GBE1: variants seen among roughly 807,000 people sequenced by gnomAD.
GBE1 encodes 1,4-alpha-glucan-branching enzyme.
Under a neutral mutation model 88.8 loss-of-function variants are expected in GBE1, and 70 were observed. The observed-to-expected ratio is 0.79, with a 90% CI of 0.65 to 0.96. The LOEUF is 0.96. GBE1 is among the 40% of genes least tolerant of loss of function. The pLI, the probability that GBE1 is intolerant of heterozygous loss-of-function variation, is 0.00. For synonymous variants in GBE1, 284 were observed against 300.1 expected (o/e 0.95, Z 0.56); for missense variants, 872 against 871.0 (o/e 1.00, Z -0.01).
chr3:81,554,867 T>A (rs866242507), intron 12 of GBE1, among the ~76,000 whole-genome samples: 2 of 152,126 alleles, frequency 1.3e-5, no homozygotes, highest in Non-Finnish European at 2.9e-5. Flanking sequence ...ACTCCCCAAG[T>A]AGAGAGACGT....
intron 12 of GBE1, among the ~76,000 whole-genome samples, chr3:81,556,489 T>C (rs992889762): frequency 1.3e-5 from 2 of 152,032 alleles, no homozygotes; most frequent in Non-Finnish European, 2.9e-5. Flanking sequence ...TGTCAGGTAT[T>C]TGGGGGTAAC....
intron 12 of GBE1, among the ~76,000 whole-genome samples, chr3:81,555,398 A>G (rs1363830130): frequency 6.6e-6 from 1 of 152,206 alleles, no homozygotes; most frequent in African/African-American, 2.4e-5. Flanking sequence ...TTCTTTGTAC[A>G]TCTACAGGAG....
chr3:81,662,157 C>T (rs1041645967), intron 3 of GBE1, among the ~76,000 whole-genome samples: 2 of 152,088 alleles, frequency 1.3e-5, no homozygotes, highest in Non-Finnish European at 2.9e-5. Context: ...CTCAACCTAC[C>T]GACTAGCTGG....
intron 11 of GBE1, among the ~76,000 whole-genome samples, chr3:81,579,377 C>T (rs903724989): frequency 1.3e-5 from 2 of 151,936 alleles, no homozygotes; most frequent in Non-Finnish European, 2.9e-5. Flanking sequence ...CCTGAGAATT[C>T]CTGAATATAT....
At chr3:81,573,773 C>CCCTG (rs1703606421) in intron 12 of GBE1, among the ~76,000 whole-genome samples, 1 of 117,202 alleles carries the variant, frequency 8.5e-6, no homozygotes, top group Admixed American at 8.5e-5. Flanking sequence ...CTCTCTCTCT[C>CCCTG]TCTGTGTGTG....
intron 12 of GBE1, among the ~76,000 whole-genome samples, chr3:81,561,985 G>A (rs1284402634): frequency 1.3e-5 from 2 of 152,146 alleles, no homozygotes; most frequent in African/African-American, 4.8e-5. Flanking sequence ...TATTGGTTTC[G>A]TGATCTTTCT....
At chr3:81,726,292 G>C (rs1306379621) in intron 1 of GBE1, among the ~76,000 whole-genome samples, 1 of 152,052 alleles carries the variant, frequency 6.6e-6, no homozygotes, top group East Asian at 1.9e-4. Context: ...GAATGAAGAT[G>C]AGTACGTCAT....
At chr3:81,659,034 A>G (rs1704983598) in intron 3 of GBE1, among the ~76,000 whole-genome samples, 1 of 152,208 alleles carries the variant, frequency 6.6e-6, no homozygotes, top group Non-Finnish European at 1.5e-5. Flanking sequence ...GAAAAAGGCT[A>G]TGAAAAGGGG....
At chr3:81,538,517 T>C (rs777322066) in intron 12 of GBE1, among the ~76,000 whole-genome samples, 1 of 152,012 alleles carries the variant, frequency 6.6e-6, no homozygotes, top group Non-Finnish European at 1.5e-5. Context: ...GAGCCGACTT[T>C]ATGAGGCTAT....
At chr3:81,725,158 A>AT in intron 1 of GBE1, among the ~76,000 whole-genome samples, 1 of 152,284 alleles carries the variant, frequency 6.6e-6, no homozygotes, top group Non-Finnish European at 1.5e-5. Flanking sequence ...ATATTTAAAC[A>AT]TTTTTTATTC....
At chr3:81,743,679 A>G (rs1706382500) in intron 1 of GBE1, 1 of 1,155,406 alleles carries the variant, frequency 8.7e-7, no homozygotes, top group African/African-American at 1.6e-5. Flanking sequence ...CAGTCACCTG[A>G]TCTCAGTCAT....
At chr3:81,546,765 C>A (rs1407636595) in intron 12 of GBE1, among the ~76,000 whole-genome samples, 5 of 151,418 alleles carry the variant, frequency 3.3e-5, no homozygotes, top group Admixed American at 2.6e-4. Context: ...AAATGAACAA[C>A]CAGCAGCCCT....
At chr3:81,555,231 A>G (rs1051852577) in intron 12 of GBE1, among the ~76,000 whole-genome samples, 1 of 152,224 alleles carries the variant, frequency 6.6e-6, no homozygotes, top group East Asian at 1.9e-4. Context: ...TGAAGGCAAT[A>G]AAAGGGAGAA....
intron 1 of GBE1, among the ~76,000 whole-genome samples, chr3:81,722,450 T>G (rs187078560): frequency 6.6e-6 from 1 of 151,968 alleles, no homozygotes; most frequent in African/African-American, 2.4e-5. Flanking sequence ...TTCTATTTTT[T>G]CCTACTATAA....
chr3:81,682,292 A>G (rs957180256), intron 2 of GBE1, among the ~76,000 whole-genome samples: 2 of 151,988 alleles, frequency 1.3e-5, no homozygotes, highest in African/African-American at 2.4e-5. Context: ...ACAAGACCCC[A>G]TCTCTACAAA....
At chr3:81,645,008 G>T (rs1252309900) in intron 6 of GBE1, among the ~76,000 whole-genome samples, 2 of 152,104 alleles carry the variant, frequency 1.3e-5, no homozygotes, top group Non-Finnish European at 2.9e-5. Context: ...GGGGGAGGAA[G>T]TTTGAAGTTA....
At chr3:81,698,219 T>C (rs1213471731) in intron 2 of GBE1, among the ~76,000 whole-genome samples, 3 of 151,914 alleles carry the variant, frequency 2.0e-5, no homozygotes, top group South Asian at 4.1e-4. Context: ...AAAGTTGGTA[T>C]GTATGTTGAA....
chr3:81,672,666 T>A (rs1268605846), intron 2 of GBE1, among the ~76,000 whole-genome samples: 1 of 152,010 alleles, frequency 6.6e-6, no homozygotes, highest in African/African-American at 2.4e-5. Context: ...ACAAGAAGCT[T>A]CAATAATATC....
chr3:81,707,408 T>C (rs1705792939), intron 1 of GBE1, among the ~76,000 whole-genome samples: 1 of 151,970 alleles, frequency 6.6e-6, no homozygotes, highest in African/African-American at 2.4e-5. Context: ...TGAACCATTC[T>C]AGAAGAAAAA....
Sources: gnomAD v4.1 joint callset for allele counts (sites outside exome capture counted in the v4.1 genomes callset) on GRCh38, gnomAD v4.1.1 for gene constraint, MANE v1.5 for transcripts, NCBI Gene and HGNC (gene_info 2026-07-23, HGNC 2026-07-21) for gene names.